PALS1: variants seen among roughly 807,000 people sequenced by gnomAD.
PALS1 encodes protein associated with LIN7 1, MAGUK p55 family member.
In PALS1, 31 loss-of-function variants were observed where a neutral mutation model predicts 78.9. The observed-to-expected ratio is 0.39, with a 90% confidence interval of 0.30 to 0.53. The LOEUF (loss-of-function observed/expected upper bound fraction) is 0.53, where lower values mean the gene tolerates loss of function less well. PALS1 is among the 20% of genes least tolerant of loss of function. The pLI, the probability that PALS1 is intolerant of heterozygous loss-of-function variation, is 0.67. For synonymous variants in PALS1, 276 were observed against 270.9 expected, an observed-to-expected ratio of 1.02 and a Z score of -0.18; for missense variants, 704 against 826.5, an observed-to-expected ratio of 0.85 and a Z score of 1.82.
chr14:67,331,156 T>C (rs2085443956), intron 14 of PALS1, among the ~76,000 whole-genome samples: 2 of 152,274 alleles, frequency 1.3e-5, no homozygotes, highest in Admixed American at 1.3e-4. Flanking sequence ...GTGATTCTCA[T>C]GCCTCAGCCT....
intron 3 of PALS1, among the ~76,000 whole-genome samples, chr14:67,289,297 A>G (rs1156733939): frequency 6.6e-6 from 1 of 152,120 alleles, no homozygotes; most frequent in Admixed American, 6.6e-5. Context: ...AAGTCTTTAT[A>G]AAAAAGACTT....
In PALS1 at chr14:67,332,761, T is replaced by G. The variant is rs768855424; in HGVS notation, c.1852-19T>G. The G allele has an allele frequency of 6.3e-7, 1 of 1,596,106 alleles. No individual in the cohort carries two copies. Among genetic ancestry groups the G allele is most frequent in the Non-Finnish European group, 8.6e-7 (1 of 1,167,966 alleles). On this transcript the variant is annotated intron_variant, in intron 14 of 14. Transcript: ENST00000261681. ...GTTAGGAAAGGAATTATCTCACAGT[T>G]TTTATCTTCTGTTTGCAGCCTGAAG... is the stretch of plus-strand genomic sequence containing the variant.
Position 67,335,264 on chromosome 14 carries a change from T to C in PALS1, c.*2308T>C, listed in dbSNP as rs1469021707. The C allele has an allele frequency of 6.6e-6, 1 of 152,212 alleles. No individual in the cohort carries two copies. The highest frequency in any genetic ancestry group is 1.5e-5 in the Non-Finnish European group (1 of 68,042). The allele number at this position is 152,212 out of a possible 1,614,324, so 9.4% of individuals were successfully genotyped here. On this transcript the variant is annotated 3_prime_UTR_variant, in exon 15 of 15. Transcript: ENST00000261681. The stretch of plus-strand genomic sequence containing the variant: ...TCAACATAGTCCTTAAAGTGAAAAC[T>C]GAGTTGTTGCTGACCTCCACAAAAG...
intron 3 of PALS1, among the ~76,000 whole-genome samples, chr14:67,281,025 A>G (rs934097061): frequency 1.5e-4 from 23 of 151,236 alleles, no homozygotes; most frequent in African/African-American, 5.1e-4. Flanking sequence ...TAGCCTCCCG[A>G]GTGGCTGGGA....
intron 1 of PALS1, among the ~76,000 whole-genome samples, chr14:67,258,757 C>G (rs1387944252): frequency 6.6e-6 from 1 of 151,960 alleles, no homozygotes; most frequent in African/African-American, 2.4e-5. Flanking sequence ...TCCTTAATAA[C>G]AAAGTAATAG....
intron 2 of PALS1, among the ~76,000 whole-genome samples, chr14:67,274,439 T>C (rs960557907): frequency 1.1e-4 from 17 of 152,292 alleles, no homozygotes; most frequent in African/African-American, 3.8e-4. Flanking sequence ...TGTAGATGTG[T>C]GGTACTATTT....
At chr14:67,318,427 CTT>C (rs530376170) in intron 11 of PALS1, among the ~76,000 whole-genome samples, 308 of 152,134 alleles carry the variant, frequency 2.0e-3, no homozygotes, top group African/African-American at 7.0e-3. Flanking sequence ...ATTAATATCT[CTT>C]TTATTTTTTG....
chr14:67,303,531 C>T lies in PALS1; in HGVS notation c.973C>T (p.His325Tyr). Residue 325 changes from histidine (H) to tyrosine (Y), a missense_variant, in exon 8 of 15, where the codon CAT (histidine) becomes TAT (tyrosine). Coordinates refer to ENST00000261681, the MANE Select transcript of PALS1 (RefSeq NM_022474.4). ...NEVFDLLSDM[H>Y]GTLTFVLIPS... Reference sequence around the variant, plus strand: ...GATCTTTCTATTACAGTCTGATATGCATGGTACTTTGACTTTTGTCCTGAT... The same window carrying T: ...GATCTTTCTATTACAGTCTGATATGTATGGTACTTTGACTTTTGTCCTGAT... 6.2e-7 allele frequency: 1 copy of T among 1,612,514 alleles called. No homozygotes were observed. Among genetic ancestry groups the T allele is most frequent in the Non-Finnish European group, 8.5e-7 (1 of 1,178,616 alleles).
intron 13 of PALS1, 149 bp from the exon 14 acceptor site, chr14:67,323,553 G>A: frequency 4.1e-6 from 1 of 243,070 alleles, no homozygotes; most frequent in East Asian, 8.4e-5. Context: ...GATTGAGGTT[G>A]CAGAGAGCTG....
intron 8 of PALS1, among the ~76,000 whole-genome samples, chr14:67,309,006 A>T (rs926824789): frequency 6.7e-6 from 1 of 148,816 alleles, no homozygotes; most frequent in African/African-American, 2.4e-5. Context: ...TATAGATATT[A>T]AAAAAAGGAA....
chr14:67,290,234 T>A (rs1278722284), intron 3 of PALS1, among the ~76,000 whole-genome samples: 1 of 152,158 alleles, frequency 6.6e-6, no homozygotes, highest in Non-Finnish European at 1.5e-5. Flanking sequence ...AAAAGTGACA[T>A]AACTAATTTA....
In PALS1 at chr14:67,315,572, G is replaced by A. The variant is rs192774283; in HGVS notation, c.1226-1260G>A. On this transcript the variant is annotated intron_variant, in intron 9 of 14. Transcript: ENST00000261681. Reference sequence around the variant, plus strand: ...ATTACAGGCATAAGCCACTGCACCCGACCCCTTTAAATTTTAATACTCTTA... The same window carrying A: ...ATTACAGGCATAAGCCACTGCACCCAACCCCTTTAAATTTTAATACTCTTA... Among the ~76,000 whole-genome samples, 339 of 152,114 alleles carry A rather than the reference G, an allele frequency of 2.2e-3. 1 individual carries two copies. The highest frequency in any genetic ancestry group is 3.9e-3 in the Non-Finnish European group (264 of 67,998).
At chr14:67,293,150 A>T (rs943271369) in intron 4 of PALS1, among the ~76,000 whole-genome samples, 1 of 152,146 alleles carries the variant, frequency 6.6e-6, no homozygotes, top group Non-Finnish European at 1.5e-5. Context: ...TTTTCCTCCT[A>T]TAAAAACTGT....
At chr14:67,281,028 G>T (rs1172970861) in intron 3 of PALS1, among the ~76,000 whole-genome samples, 4 of 151,396 alleles carry the variant, frequency 2.6e-5, no homozygotes, top group Non-Finnish European at 5.9e-5. Flanking sequence ...CCTCCCGAGT[G>T]GCTGGGATTA....
At chr14:67,331,746 T>G (rs1214736444) in intron 14 of PALS1, among the ~76,000 whole-genome samples, 1 of 152,190 alleles carries the variant, frequency 6.6e-6, no homozygotes, top group African/African-American at 2.4e-5. Context: ...TCATTTTCAT[T>G]TCAACTCCAA....
At chr14:67,297,598 A>C (rs910961761) in intron 4 of PALS1, among the ~76,000 whole-genome samples, 1 of 152,248 alleles carries the variant, frequency 6.6e-6, no homozygotes, top group African/African-American at 2.4e-5. Context: ...GTGGAAAGTC[A>C]GTGGAAACAG....
At chr14:67,321,698 C>T (rs1233987790) in intron 13 of PALS1, among the ~76,000 whole-genome samples, 1 of 152,158 alleles carries the variant, frequency 6.6e-6, no homozygotes, top group African/African-American at 2.4e-5. Flanking sequence ...TTGACTATGA[C>T]CCGTCACATG....
chr14:67,295,776 A>G (rs1157142397), intron 4 of PALS1, among the ~76,000 whole-genome samples: 3 of 152,246 alleles, frequency 2.0e-5, no homozygotes, highest in African/African-American at 7.2e-5. Context: ...ATAAATTGAT[A>G]CTACCACTTT....
intron 11 of PALS1, 145 bp from the exon 12 acceptor site, chr14:67,320,085 T>C (rs2085239503): frequency 3.4e-6 from 2 of 587,230 alleles, no homozygotes; most frequent in South Asian, 6.8e-5. Flanking sequence ...TATTGTTGTC[T>C]GATTCATTTT....
Sources: gnomAD v4.1 joint callset for allele counts (sites outside exome capture counted in the v4.1 genomes callset) on GRCh38, gnomAD v4.1.1 for gene constraint, MANE v1.5 for transcripts, NCBI Gene and HGNC (gene_info 2026-07-23, HGNC 2026-07-21) for gene names.